KCNIP1: variants seen among roughly 807,000 people sequenced by gnomAD.
KCNIP1 encodes the protein potassium voltage-gated channel interacting protein 1.
A neutral mutation model predicts 33.0 loss-of-function variants in KCNIP1; 18 were observed. The observed-to-expected ratio is 0.55, with a 90% CI of 0.38 to 0.81. The LOEUF (loss-of-function observed/expected upper bound fraction) is 0.81, where lower values mean the gene tolerates loss of function less well. Among genes scored for constraint, KCNIP1 ranks in the 30% least tolerant of loss-of-function variants. The pLI, the probability that KCNIP1 is intolerant of heterozygous loss-of-function variation, is 0.00. For missense variants in KCNIP1, 238 were observed against 271.6 expected (o/e 0.88, Z 0.87); for synonymous variants, 93 against 98.3 (o/e 0.95, Z 0.32).
intron 1 of KCNIP1, among the ~76,000 whole-genome samples, chr5:170,624,629 G>A (rs901616489): frequency 6.6e-6 from 1 of 151,198 alleles, no homozygotes; most frequent in African/African-American, 2.4e-5. Flanking sequence ...CAGTTTAAAC[G>A]TTTCGCCTGC....
chr5:170,670,146 A>C (rs768689983), intron 1 of KCNIP1, among the ~76,000 whole-genome samples: 11 of 152,214 alleles, frequency 7.2e-5, no homozygotes, highest in Non-Finnish European at 1.2e-4. Context: ...CGCAGAACAC[A>C]TACTATATTG....
At chr5:170,690,669 A>G (rs886258613) in intron 1 of KCNIP1, among the ~76,000 whole-genome samples, 1 of 152,264 alleles carries the variant, frequency 6.6e-6, no homozygotes, top group South Asian at 2.1e-4. Flanking sequence ...CATTCAGTAG[A>G]CATAGACTAA....
At chr5:170,360,206 G>C (rs6889463) in intron 1 of KCNIP1, among the ~76,000 whole-genome samples, 58,144 of 151,972 alleles carry the variant, frequency 0.38, 12,167 homozygotes, top group African/African-American at 0.56. Flanking sequence ...ATCTCTCTCA[G>C]CAGACCCAGG....
chr5:170,590,474 C>A (rs1159961918), intron 1 of KCNIP1, among the ~76,000 whole-genome samples: 2 of 152,012 alleles, frequency 1.3e-5, no homozygotes, highest in Non-Finnish European at 2.9e-5. Context: ...ACGTTTCTAT[C>A]CAACCGGTAG....
chr5:170,484,942 CTT>C (rs397999898), intron 1 of KCNIP1, among the ~76,000 whole-genome samples: 4 of 129,452 alleles, frequency 3.1e-5, no homozygotes, highest in Admixed American at 8.2e-5. Flanking sequence ...TTTCTTTTTT[CTT>C]TTTTTTTTTT....
chr5:170,592,740 T>C (rs1003940244), intron 1 of KCNIP1, among the ~76,000 whole-genome samples: 1 of 152,210 alleles, frequency 6.6e-6, no homozygotes, highest in East Asian at 1.9e-4. Context: ...CTTCCTCTTC[T>C]GCAAAATGGG....
chr5:170,363,658 A>G (rs911170232), intron 1 of KCNIP1, among the ~76,000 whole-genome samples: 1 of 152,212 alleles, frequency 6.6e-6, no homozygotes, highest in African/African-American at 2.4e-5. Context: ...ACAGCCCCAT[A>G]GACCATTCTT....
chr5:170,537,238 A>G (rs1324567689), intron 1 of KCNIP1, among the ~76,000 whole-genome samples: 2 of 152,218 alleles, frequency 1.3e-5, no homozygotes, highest in South Asian at 2.1e-4. Context: ...GGTTCCTACA[A>G]TCCCAACTTT....
At chr5:170,625,875 G>C (rs906649918) in intron 1 of KCNIP1, among the ~76,000 whole-genome samples, 1 of 152,210 alleles carries the variant, frequency 6.6e-6, no homozygotes, top group Non-Finnish European at 1.5e-5. Context: ...TGGACCCAGC[G>C]AGTGAGGTGA....
chr5:170,543,201 G>T (rs78955686), intron 1 of KCNIP1, among the ~76,000 whole-genome samples: 1 of 152,166 alleles, frequency 6.6e-6, no homozygotes. Flanking sequence ...GGACATGAGC[G>T]TTCACGCCTA....
chr5:170,413,203 C>T (rs1224923424), intron 1 of KCNIP1, among the ~76,000 whole-genome samples: 1 of 152,150 alleles, frequency 6.6e-6, no homozygotes. Context: ...GTTCCTGTGC[C>T]GACCTGCATT....
At chr5:170,561,537 C>T (rs1174249181) in intron 1 of KCNIP1, among the ~76,000 whole-genome samples, 1 of 152,210 alleles carries the variant, frequency 6.6e-6, no homozygotes, top group African/African-American at 2.4e-5. Context: ...CCTCTCTTCC[C>T]TCAGTACCTA....
At position 170,699,555 on chromosome 5, in the gene KCNIP1, TGAAAAAAA is replaced by T. The variant is rs1328483635; in HGVS notation, c.62-19202_62-19195del. ...CTAAAATAAGAATTAAATTGCTCTG[TGAAAAAAA>T]AAAAAAAAAAAAAAAGTTTTACAGT... On this transcript the variant is annotated intron_variant, in intron 1 of 7. Coordinates refer to ENST00000328939, the MANE Select transcript of KCNIP1 (RefSeq NM_014592.4). 2.1e-3 allele frequency among the ~76,000 whole-genome samples: 248 copies of T among 118,220 alleles called. 2 individuals are homozygous for T. Among genetic ancestry groups the T allele is most frequent in the African/African-American group, 6.9e-3 (217 of 31,590 alleles). The allele number at this position is 118,220 out of a possible 152,430, so 77.6% of individuals were successfully genotyped here. A position where few individuals can be genotyped will look rare whatever the true frequency, so the allele number is the denominator to read the frequency against.
chr5:170,383,624 G>T, intron 1 of KCNIP1: 1 of 1,589,690 alleles, frequency 6.3e-7, no homozygotes, highest in Admixed American at 1.7e-5. Flanking sequence ...TTAGGAACAG[G>T]CTCACACACC....
chr5:170,469,063 T>C (rs1412692900), intron 1 of KCNIP1, among the ~76,000 whole-genome samples: 2 of 152,174 alleles, frequency 1.3e-5, no homozygotes, highest in Non-Finnish European at 2.9e-5. Flanking sequence ...CAAAGAGATA[T>C]ATTCTGCATC....
chr5:170,353,908 G>A, exon 1 of KCNIP1: 1 of 1,614,202 alleles, frequency 6.2e-7, no homozygotes, highest in African/African-American at 1.3e-5. Flanking sequence ...TGCAAGCTTG[G>A]GTTCGTGAAA....
At chr5:170,650,184 C>G (rs992150814) in intron 1 of KCNIP1, among the ~76,000 whole-genome samples, 1 of 152,042 alleles carries the variant, frequency 6.6e-6, no homozygotes, top group Non-Finnish European at 1.5e-5. Flanking sequence ...AATTGAAATA[C>G]AAAAAAATTG....
At chr5:170,541,176 G>A (rs1472406733) in intron 1 of KCNIP1, among the ~76,000 whole-genome samples, 1 of 152,100 alleles carries the variant, frequency 6.6e-6, no homozygotes, top group Non-Finnish European at 1.5e-5. Context: ...CAATGGTAGG[G>A]GTGGGAAAAG....
intron 1 of KCNIP1, among the ~76,000 whole-genome samples, chr5:170,589,799 G>T (rs1482360023): frequency 1.4e-5 from 2 of 146,968 alleles, no homozygotes; most frequent in Non-Finnish European, 3.1e-5. Flanking sequence ...TGTGGTGTGC[G>T]GTGCGGTGCG....
Sources: gnomAD v4.1 joint callset for allele counts (sites outside exome capture counted in the v4.1 genomes callset) on GRCh38, gnomAD v4.1.1 for gene constraint, MANE v1.5 for transcripts, NCBI Gene and HGNC (gene_info 2026-07-23, HGNC 2026-07-21) for gene names.